The following ANKRD6 variants were observed in gnomAD, a reference collection of about 807,000 sequenced individuals.
The protein encoded by ANKRD6 is ankyrin repeat domain 6, also known as ankyrin repeat domain-containing protein 6.
A neutral mutation model predicts 82.3 loss-of-function variants in ANKRD6; 56 were observed. That is an observed-to-expected ratio of 0.68 (90% CI 0.55 to 0.85). The LOEUF (loss-of-function observed/expected upper bound fraction) is 0.85. Ranked by LOEUF, ANKRD6 falls within the 40% of genes least tolerant of loss-of-function variation. The pLI is 0.00. For missense variants in ANKRD6, 852 were observed against 907.6 expected, an observed-to-expected ratio of 0.94 and a Z score of 0.79; for synonymous variants, 347 against 352.1, an observed-to-expected ratio of 0.99 and a Z score of 0.16.
At chr6:89,525,834 A>C (rs1344817034) in intron 1 of ANKRD6, among the ~76,000 whole-genome samples, 1 of 152,248 alleles carries the variant, frequency 6.6e-6, no homozygotes, top group Non-Finnish European at 1.5e-5. Flanking sequence ...CACAAAACAC[A>C]GTCTTTGTAA....
chr6:89,602,907 G>A (rs1441019842), intron 3 of ANKRD6, 122 bp from the exon 4 acceptor site: 2 of 760,008 alleles, frequency 2.6e-6, no homozygotes, highest in Non-Finnish European at 4.2e-6. Flanking sequence ...GCCCTTCTGC[G>A]AATAACCGCT....
chr6:89,480,689 G>A (rs1776679308), intron 1 of ANKRD6, among the ~76,000 whole-genome samples: 1 of 150,924 alleles, frequency 6.6e-6, no homozygotes, highest in Non-Finnish European at 1.5e-5. Context: ...TCATGCCTTG[G>A]CACTTTGGGA....
intron 2 of ANKRD6, among the ~76,000 whole-genome samples, chr6:89,569,631 G>A (rs567777565): frequency 4.6e-5 from 7 of 152,126 alleles, no homozygotes; most frequent in East Asian, 1.9e-4. Flanking sequence ...TTGCTGGGTC[G>A]TATGGCAAAT....
intron 1 of ANKRD6, among the ~76,000 whole-genome samples, chr6:89,449,045 A>G (rs1448723075): frequency 2.0e-5 from 3 of 152,046 alleles, no homozygotes; most frequent in African/African-American, 7.2e-5. Flanking sequence ...AAAAAAAAAA[A>G]AAAAAAGAAA....
intron 1 of ANKRD6, among the ~76,000 whole-genome samples, chr6:89,445,145 CCAA>C (rs1403602540): frequency 6.6e-6 from 1 of 152,084 alleles, no homozygotes; most frequent in East Asian, 1.9e-4. Context: ...TACCATTTTT[CCAA>C]CAACATGTGC....
chr6:89,596,650 G>C (rs536302437), intron 3 of ANKRD6, among the ~76,000 whole-genome samples: 21 of 152,240 alleles, frequency 1.4e-4, no homozygotes, highest in African/African-American at 4.3e-4. Flanking sequence ...ATCTAGAGAT[G>C]GACTCTGATT....
chr6:89,481,497 C>G (rs1776800569), intron 1 of ANKRD6, among the ~76,000 whole-genome samples: 1 of 152,140 alleles, frequency 6.6e-6, no homozygotes, highest in African/African-American at 2.4e-5. Flanking sequence ...CTAAGCATTT[C>G]AAATTAAAGG....
At chr6:89,613,757 T>G in intron 6 of ANKRD6, 35 bp from the exon 7 acceptor site, 5 of 1,591,988 alleles carry the variant, frequency 3.1e-6, no homozygotes, top group Non-Finnish European at 4.3e-6. Context: ...TTGTAACTGC[T>G]CAGATTGTGC....
At chr6:89,506,790 T>G (rs923275783) in intron 1 of ANKRD6, among the ~76,000 whole-genome samples, 6 of 152,222 alleles carry the variant, frequency 3.9e-5, no homozygotes, top group African/African-American at 4.8e-5. Context: ...CGCATCCCGA[T>G]CTCTAGCTGC....
At chr6:89,551,234 G>A (rs532114258) in intron 1 of ANKRD6, among the ~76,000 whole-genome samples, 6 of 152,188 alleles carry the variant, frequency 3.9e-5, no homozygotes, top group Non-Finnish European at 8.8e-5. Context: ...CCTATCGTCA[G>A]TAGCTGCATC....
chr6:89,561,768 T>A (rs41273319), intron 1 of ANKRD6, among the ~76,000 whole-genome samples: 11,465 of 148,702 alleles, frequency 0.077, 461 homozygotes, highest in South Asian at 0.14. Context: ...GGTTGTATAT[T>A]TTTTTTTAAG....
chr6:89,592,722 A>G (rs1027610600), intron 2 of ANKRD6, among the ~76,000 whole-genome samples: 11 of 152,262 alleles, frequency 7.2e-5, no homozygotes, highest in African/African-American at 2.4e-4. Flanking sequence ...TGGGAATTCC[A>G]TGGTCAGAGT....
At chr6:89,548,220 A>G (rs1785360451) in intron 1 of ANKRD6, among the ~76,000 whole-genome samples, 1 of 152,192 alleles carries the variant, frequency 6.6e-6, no homozygotes, top group Non-Finnish European at 1.5e-5. Context: ...GGCAACCACT[A>G]ATCTACTTTC....
intron 5 of ANKRD6, among the ~76,000 whole-genome samples, chr6:89,609,803 G>A (rs554733512): frequency 6.6e-6 from 1 of 151,758 alleles, no homozygotes; most frequent in Non-Finnish European, 1.5e-5. Flanking sequence ...GTAGAGACGA[G>A]GTTTCACCAT....
rs1038136670 is a variant in ANKRD6 at position 89,607,692 on chromosome 6, G to A, written c.417+1587G>A. 2.3e-5 allele frequency among the ~76,000 whole-genome samples: 3 copies of A among 131,776 alleles called. No individual in the cohort carries two copies. In the East Asian group the frequency reaches 6.8e-4, roughly 30 times the overall value. The allele number at this position is 131,776 out of a possible 152,430, so 86.5% of individuals were successfully genotyped here. On this transcript the variant is annotated intron_variant, in intron 5 of 15. Transcript: ENST00000339746. ...TTTTTTGGATACAGAATCTCGTTCT[G>A]TCACCCAGGCTGGAGTGCAATGGCA...
intron 1 of ANKRD6, among the ~76,000 whole-genome samples, chr6:89,510,625 A>T (rs951778894): frequency 6.6e-6 from 1 of 152,154 alleles, no homozygotes; most frequent in African/African-American, 2.4e-5. Context: ...AATCATCTCA[A>T]TTAATTTTAG....
Position 89,630,855 on chromosome 6 carries a change from A to T in ANKRD6, c.2035A>T (p.Met679Leu). The change falls in exon 16 of 16, where the codon ATG (methionine) becomes TTG (leucine). Residue 679 changes from methionine to leucine, a missense_variant. By Grantham distance (15) the Met-to-Leu change is conservative. Coordinates refer to ENST00000339746, the MANE Select transcript of ANKRD6 (RefSeq NM_001242809.2). ...TTTTTTTGAGGCTGTTTCTACCCAG[A>T]TGGAAAAGTGGTATGAAAGGAAGAT... ...QYFFEAVSTQMEKWYERKIEE... is the reference protein window; with the variant it reads ...QYFFEAVSTQLEKWYERKIEE... 7 of 1,613,882 alleles carry T rather than the reference A, an allele frequency of 4.3e-6. No individual in the cohort carries two copies. Among genetic ancestry groups the T allele is most frequent in the Non-Finnish European group, 5.9e-6 (7 of 1,179,892 alleles).
At chr6:89,439,431 A>G (rs1771077491) in intron 1 of ANKRD6, among the ~76,000 whole-genome samples, 1 of 152,196 alleles carries the variant, frequency 6.6e-6, no homozygotes, top group South Asian at 2.1e-4. Context: ...GGAAAGTAAA[A>G]TTGTAAAATT....
intron 1 of ANKRD6, among the ~76,000 whole-genome samples, chr6:89,439,292 A>C (rs1771055165): frequency 6.6e-6 from 1 of 152,088 alleles, no homozygotes. Context: ...AGAGTTTAAA[A>C]CTACTTTAGG....
Sources: gnomAD v4.1 joint callset for allele counts (sites outside exome capture counted in the v4.1 genomes callset) on GRCh38, gnomAD v4.1.1 for gene constraint, MANE v1.5 for transcripts, NCBI Gene and HGNC (gene_info 2026-07-23, HGNC 2026-07-21) for gene names.